The following EDA variants were observed in gnomAD, a reference collection of about 807,000 sequenced individuals.
The protein encoded by EDA is ectodysplasin-A.
EDA carries 2 observed loss-of-function variants against 23.6 expected under a neutral mutation model. That is an observed-to-expected ratio of 0.08 (90% CI 0.03 to 0.27). The LOEUF (loss-of-function observed/expected upper bound fraction) is 0.27, where lower values mean the gene tolerates loss of function less well. EDA is among the 10% of genes least tolerant of loss of function. The pLI, the probability that EDA is intolerant of heterozygous loss-of-function variation, is 1.00. For missense variants in EDA, 229 were observed against 324.2 expected (o/e 0.71, Z 2.26); for synonymous variants, 131 against 132.0 (o/e 0.99, Z 0.05).
intron 1 of EDA, among the ~76,000 whole-genome samples, chrX:69,621,366 T>G (rs774120552): frequency 1.8e-5 from 2 of 112,177 alleles, no homozygotes; most frequent in South Asian, 3.7e-4. Flanking sequence ...TATTGAAGTA[T>G]AACTCATACA....
intron 1 of EDA, among the ~76,000 whole-genome samples, chrX:69,894,547 G>A (rs1447274756): frequency 8.9e-6 from 1 of 111,970 alleles, no homozygotes; most frequent in Non-Finnish European, 1.9e-5. Context: ...AGCATGGAAT[G>A]TTTTTCCATT....
rs758971436 is a variant in EDA at position 69,730,929 on chromosome X, A to G, written c.396+114225A>G. ...TCAAATTGTTCACTTAAAATTGGTG[A>G]ATTTTATTATTCATTAATTCTTTTT... On this transcript the variant is annotated intron_variant, in intron 1 of 7. Coordinates refer to ENST00000374552, the MANE Select transcript of EDA (RefSeq NM_001399.5). 1.2e-4 allele frequency among the ~76,000 whole-genome samples: 13 copies of G among 112,511 alleles called. No individual in the cohort carries two copies. The South Asian group carries it at 4.4e-3, about 38-fold the overall frequency.
intron 1 of EDA, among the ~76,000 whole-genome samples, chrX:69,694,986 A>G (rs1200484459): frequency 8.9e-6 from 1 of 112,209 alleles, no homozygotes; most frequent in African/African-American, 3.2e-5. Flanking sequence ...CAAGAAAGAG[A>G]CTTAAATTAT....
At chrX:70,013,198 C>A in intron 2 of EDA, among the ~76,000 whole-genome samples, 1 of 111,767 alleles carries the variant, frequency 8.9e-6, no homozygotes, top group Non-Finnish European at 1.9e-5. Context: ...ACCTACAGCC[C>A]CTCTCCCATT....
chrX:69,762,834 A>G (rs958734183), intron 1 of EDA, among the ~76,000 whole-genome samples: 2 of 111,890 alleles, frequency 1.8e-5, no homozygotes, highest in Non-Finnish European at 3.8e-5. Context: ...GGTCTTTCAG[A>G]TGTTCCTAGG....
chrX:69,773,328 T>G (rs1037720863), intron 1 of EDA, among the ~76,000 whole-genome samples: 1 of 112,334 alleles, frequency 8.9e-6, no homozygotes, highest in Non-Finnish European at 1.9e-5. Context: ...GACAGTTGGG[T>G]TGTTTCCACC....
intron 1 of EDA, among the ~76,000 whole-genome samples, chrX:69,752,616 CT>C (rs2013928910): frequency 8.9e-6 from 1 of 112,116 alleles, no homozygotes; most frequent in Non-Finnish European, 1.9e-5. Flanking sequence ...AAGATTCCCT[CT>C]TTTTCTATTG....
chrX:69,992,681 C>T (rs1386770670), intron 2 of EDA, among the ~76,000 whole-genome samples: 1 of 111,454 alleles, frequency 9.0e-6, no homozygotes, highest in African/African-American at 3.3e-5. Flanking sequence ...TTACTAGGTC[C>T]CAGGATATAT....
intron 1 of EDA, among the ~76,000 whole-genome samples, chrX:69,627,938 T>C (rs1289284878): frequency 9.0e-6 from 1 of 111,605 alleles, no homozygotes; most frequent in African/African-American, 3.3e-5. Flanking sequence ...TGGTGACTTC[T>C]CTTGGTGCTA....
intron 1 of EDA, among the ~76,000 whole-genome samples, chrX:69,731,756 A>T (rs777429710): frequency 8.9e-6 from 1 of 111,859 alleles, no homozygotes; most frequent in African/African-American, 3.3e-5. Context: ...TAACATAAGC[A>T]TTTAATACTA....
chrX:69,667,794 T>A (rs1238671926), intron 1 of EDA, among the ~76,000 whole-genome samples: 1 of 112,241 alleles, frequency 8.9e-6, no homozygotes, highest in Admixed American at 9.4e-5. Flanking sequence ...GGCTGGGAAG[T>A]CCAAGATTGA....
intron 1 of EDA, among the ~76,000 whole-genome samples, chrX:69,655,458 C>T (rs1024862190): frequency 4.0e-4 from 44 of 109,739 alleles, no homozygotes; most frequent in Non-Finnish European, 8.0e-4. Flanking sequence ...CATTCCTATG[C>T]GGAGACCTTA....
At chrX:69,683,444 A>C (rs970063930) in intron 1 of EDA, among the ~76,000 whole-genome samples, 1 of 111,683 alleles carries the variant, frequency 9.0e-6, no homozygotes, top group Non-Finnish European at 1.9e-5. Flanking sequence ...TGTCCAAACT[A>C]CAAGGCTTAT....
chrX:69,713,701 G>T (rs948039402), intron 1 of EDA, among the ~76,000 whole-genome samples: 2 of 111,782 alleles, frequency 1.8e-5, no homozygotes, highest in Admixed American at 1.9e-4. Flanking sequence ...TTAATAGTTT[G>T]TTCCTTTTTA....
At chrX:69,750,291 C>T (rs1452520828) in intron 1 of EDA, among the ~76,000 whole-genome samples, 5 of 105,121 alleles carry the variant, frequency 4.8e-5, no homozygotes, top group Non-Finnish European at 7.8e-5. Flanking sequence ...TCTGTCCTCG[C>T]GATAGTTTGC....
chrX:69,743,973 A>G (rs765287569), intron 1 of EDA, among the ~76,000 whole-genome samples: 7 of 111,794 alleles, frequency 6.3e-5, no homozygotes, highest in Admixed American at 9.5e-5. Flanking sequence ...GTATTACAAG[A>G]TAAGTTTAAT....
intron 1 of EDA, among the ~76,000 whole-genome samples, chrX:69,855,619 G>A (rs1405155543): frequency 9.0e-6 from 1 of 111,366 alleles, no homozygotes; most frequent in Non-Finnish European, 1.9e-5. Context: ...AAGACCAGAT[G>A]GTTGTAGGTG....
intron 1 of EDA, among the ~76,000 whole-genome samples, chrX:69,907,971 T>A (rs1160027297): frequency 9.0e-6 from 1 of 111,698 alleles, no homozygotes; most frequent in Non-Finnish European, 1.9e-5. Context: ...GTTTTTGAGA[T>A]GTCATAAAGG....
chrX:70,021,378 G>A (rs1417984277), intron 2 of EDA, among the ~76,000 whole-genome samples: 3 of 111,801 alleles, frequency 2.7e-5, no homozygotes, highest in Admixed American at 9.5e-5. Flanking sequence ...AAGAGGGCAG[G>A]GTAGCCATAA....
Sources: allele counts gnomAD v4.1 joint callset (sites outside exome capture counted in the v4.1 genomes callset), GRCh38; gene constraint gnomAD v4.1.1; transcripts MANE v1.5; gene names NCBI Gene and HGNC (gene_info 2026-07-23, HGNC 2026-07-21).